Variants in RBM34 observed in about 807,000 individuals in gnomAD.
RBM34 encodes RNA-binding protein 34.
Under a neutral mutation model 44.6 loss-of-function variants are expected in RBM34, and 39 were observed. The observed-to-expected ratio is 0.87, with a 90% CI of 0.68 to 1.14. The LOEUF is 1.14. RBM34 is among the 50% of genes most tolerant of loss of function. The probability of loss-of-function intolerance (pLI) is 0.00; values close to 1 mark genes in which losing one functional copy is unlikely to be tolerated. For missense variants in RBM34, 572 were observed against 517.9 expected (o/e 1.10, Z -1.01); for synonymous variants, 194 against 184.0 (o/e 1.05, Z -0.44).
At chr1:235,132,064 G>T in intron 10 of RBM34, 67 bp from the exon 11 acceptor site, 1 of 1,423,808 alleles carries the variant, frequency 7.0e-7, no homozygotes, top group Non-Finnish European at 9.5e-7. Context: ...TAGTGAAAGT[G>T]TCACTTTAAC....
intron 3 of RBM34, among the ~76,000 whole-genome samples, chr1:235,158,709 G>C (rs957288603): frequency 1.3e-4 from 20 of 152,152 alleles, no homozygotes; most frequent in African/African-American, 4.8e-4. Context: ...ATGAGAAAAG[G>C]GAAAAGGAAA....
chr1:235,145,403 G>A (rs1661861742), intron 6 of RBM34, among the ~76,000 whole-genome samples: 1 of 151,458 alleles, frequency 6.6e-6, no homozygotes. Context: ...TCAGCCCCCA[G>A]AGTAGCTGGA....
chr1:235,134,719 G>T (rs1476978504), intron 10 of RBM34, among the ~76,000 whole-genome samples: 1 of 150,682 alleles, frequency 6.6e-6, no homozygotes. Flanking sequence ...ATTATGGCAG[G>T]TTATAAATTC....
At chr1:235,155,215 T>C (rs746826097) in intron 3 of RBM34, 103 bp from the exon 4 acceptor site, 9 of 932,800 alleles carry the variant, frequency 9.6e-6, no homozygotes, top group Non-Finnish European at 1.5e-5. Context: ...TATTTCCCAA[T>C]GTCTTCTGAA....
intron 5 of RBM34, 109 bp downstream of exon 5, chr1:235,152,597 G>T: frequency 6.6e-7 from 1 of 1,508,110 alleles, no homozygotes; most frequent in South Asian, 1.3e-5. Flanking sequence ...TGAACCTATT[G>T]ATTCAAAAGG....
rs758941421 is a variant in RBM34, at chr1:235,161,045, G to A, written c.76C>T (p.Arg26Cys). 3 of 1,613,892 alleles carry A rather than the reference G, an allele frequency of 1.9e-6. No homozygotes were observed. The highest frequency in any genetic ancestry group is 2.5e-6 in the Non-Finnish European group (3 of 1,179,850). ...CTGTAGTCTTCCGGCGGACTCCCGC[G>A]AACGCCGTCGTCAGGATTCTCTCTA... Reference protein sequence around the residue: ...QEGENPDDGVRGSPPEDYRLG... With the variant: ...QEGENPDDGVCGSPPEDYRLG... Residue 26 changes from arginine to cysteine, a missense_variant, in exon 2 of 11, where the codon CGC becomes TGC. Physicochemically the swap from Arg to Cys is radical, Grantham distance 180 (BLOSUM62 -3). Coordinates refer to ENST00000408888, the MANE Select transcript of RBM34 (RefSeq NM_015014.4).
intron 10 of RBM34, among the ~76,000 whole-genome samples, chr1:235,133,072 T>G (rs1162755785): frequency 6.6e-6 from 1 of 152,142 alleles, no homozygotes; most frequent in African/African-American, 2.4e-5. Flanking sequence ...CCAGGCGGGG[T>G]AGCTCACACC....
At chr1:235,146,582 G>T (rs1661917390) in intron 6 of RBM34, among the ~76,000 whole-genome samples, 3 of 152,054 alleles carry the variant, frequency 2.0e-5, no homozygotes, top group African/African-American at 7.2e-5. Context: ...CCTAGGGTAG[G>T]GAATTGGCTG....
Position 235,137,935 on chromosome 1 carries a change from C to A in RBM34, c.791G>T (p.Gly264Val), listed in dbSNP as rs1661496043. Reference sequence around the variant, plus strand: ...ACGAAATCCATCTGCAATCTGGGCCCCATTTCTGTATTATAAATACAAAGG... The same window carrying A: ...ACGAAATCCATCTGCAATCTGGGCCACATTTCTGTATTATAAATACAAAGG... ...SAATQALKRN[G>V]AQIADGFRIR... is the part of the protein sequence containing the mutation. The change falls in exon 8 of 11, where the codon GGG (glycine) becomes GTG (valine). Residue 264 changes from glycine to valine, a missense_variant. By Grantham distance (109) the Gly-to-Val change is moderately radical (BLOSUM62 -3). Coordinates refer to ENST00000408888, the MANE Select transcript of RBM34 (RefSeq NM_015014.4). The A allele has an allele frequency of 3.1e-6, 5 of 1,602,554 alleles. No homozygotes were observed. The South Asian group carries it at 3.3e-5, about 11-fold the overall frequency.
Position 235,134,797 on chromosome 1 carries a change from T to TC in RBM34, c.1008+854_1008+855insG, listed in dbSNP as rs1661347123. ...TTTGCTCTTGTTGCCCAGGCTGGAG[T>TC]GCAATGGAGCAATCTCGGCTCACCG... On this transcript the variant is annotated intron_variant, in intron 10 of 10. Transcript: ENST00000408888. 2.0e-5 allele frequency among the ~76,000 whole-genome samples: 3 copies of TC among 149,452 alleles called. No individual in the cohort carries two copies. In the Admixed American group the frequency reaches 2.0e-4, roughly 10 times the overall value.
intron 6 of RBM34, 108 bp from the exon 7 acceptor site, chr1:235,138,282 G>A (rs1661518222): frequency 2.6e-6 from 2 of 766,414 alleles, no homozygotes; most frequent in Admixed American, 3.2e-5. Context: ...TAACACACAT[G>A]ACAAGAATTC....
intron 3 of RBM34, chr1:235,160,150 G>A: frequency 2.5e-6 from 1 of 399,806 alleles, no homozygotes; most frequent in East Asian, 7.0e-5. Flanking sequence ...CCTACTCAGG[G>A]CCGAGGCAGG....
chr1:235,132,500 G>A (rs946774523), intron 10 of RBM34, among the ~76,000 whole-genome samples: 1 of 152,006 alleles, frequency 6.6e-6, no homozygotes, highest in Admixed American at 6.6e-5. Context: ...GTAGAGACAG[G>A]GTTTCACCAC....
Position 235,155,105 on chromosome 1 carries a change from C to T in RBM34, c.373G>A (p.Ala125Thr), listed in dbSNP as rs752241692. 9.9e-6 allele frequency: 16 copies of T among 1,610,306 alleles called. No individual in the cohort carries two copies. In the East Asian group the frequency reaches 1.1e-4, roughly 11 times the overall value. The change falls in exon 4 of 11, where the codon GCT becomes ACT. Residue 125 changes from alanine (A) to threonine (T), a missense_variant. Ala to Thr is a moderately conservative substitution (Grantham distance 58). Transcript: ENST00000408888. The stretch of plus-strand genomic sequence containing the variant: ...TCTTCTAAATCAGCACTCGCTAGAG[C>T]GCTTTCCCTTTTTAAGGCAAAAAAT... ...AEKKLADRES[A>T]LASADLEEEI...
Position 235,137,866 on chromosome 1 carries a change from G to A in RBM34, c.849+11C>T, listed in dbSNP as rs1362800035. On this transcript the variant is annotated intron_variant, in intron 8 of 10. Coordinates refer to ENST00000408888, the MANE Select transcript of RBM34 (RefSeq NM_015014.4). ...AGCTCTCGTTCTTTAAACAAATCAAGTACTACTTACAGATGAGGTCTCAGA... is the reference window on the plus strand; with the variant it reads ...AGCTCTCGTTCTTTAAACAAATCAAATACTACTTACAGATGAGGTCTCAGA... The A allele has an allele frequency of 6.4e-7, 1 of 1,573,906 alleles. No homozygotes were observed. The highest frequency in any genetic ancestry group is 8.7e-7 in the Non-Finnish European group (1 of 1,149,134).
At chr1:235,146,513 A>G (rs1358315300) in intron 6 of RBM34, among the ~76,000 whole-genome samples, 3 of 152,258 alleles carry the variant, frequency 2.0e-5, no homozygotes, top group African/African-American at 7.2e-5. Flanking sequence ...ATCTATGCGT[A>G]TCAGTTTTTA....
intron 5 of RBM34, 130 bp downstream of exon 5, chr1:235,152,576 T>C (rs941464301): frequency 9.7e-6 from 14 of 1,436,734 alleles, no homozygotes; most frequent in Non-Finnish European, 1.3e-5. Flanking sequence ...ACTCTTTTCT[T>C]GGGTTAAATT....
At chr1:235,141,917 G>T (rs1257790337) in intron 6 of RBM34, among the ~76,000 whole-genome samples, 1 of 152,196 alleles carries the variant, frequency 6.6e-6, no homozygotes, top group African/African-American at 2.4e-5. Context: ...AACACTCACC[G>T]CGAGGGTCCG....
chr1:235,143,019 T>C (rs1005824865), intron 6 of RBM34, among the ~76,000 whole-genome samples: 2 of 151,506 alleles, frequency 1.3e-5, no homozygotes, highest in Non-Finnish European at 2.9e-5. Context: ...AAAGGTGTTA[T>C]ATCTAGAATA....
Sources: gnomAD v4.1 joint callset for allele counts (sites outside exome capture counted in the v4.1 genomes callset) on GRCh38, gnomAD v4.1.1 for gene constraint, MANE v1.5 for transcripts, NCBI Gene and HGNC (gene_info 2026-07-23, HGNC 2026-07-21) for gene names.